Variants in KCTD3 observed in about 807,000 individuals in gnomAD.
The protein encoded by KCTD3 is BTB/POZ domain-containing protein KCTD3.
Under a neutral mutation model 85.8 loss-of-function variants are expected in KCTD3, and 41 were observed. That is an observed-to-expected ratio of 0.48 (90% CI 0.37 to 0.62). The LOEUF is 0.62. KCTD3 is among the 20% of genes least tolerant of loss of function. The pLI is 0.00. For missense variants in KCTD3, 724 were observed against 989.9 expected (o/e 0.73, Z 3.60); for synonymous variants, 338 against 345.4 (o/e 0.98, Z 0.24).
intron 9 of KCTD3, among the ~76,000 whole-genome samples, chr1:215,592,155 TG>T (rs1208622582): frequency 6.6e-6 from 1 of 152,202 alleles, no homozygotes; most frequent in Non-Finnish European, 1.5e-5. Flanking sequence ...TCACAACACC[TG>T]GGAACTACAG....
chr1:215,604,635 A>G (rs1317733149), intron 13 of KCTD3, among the ~76,000 whole-genome samples: 1 of 150,996 alleles, frequency 6.6e-6, no homozygotes, highest in African/African-American at 2.4e-5. Context: ...TGGTTTTAAT[A>G]TACTTAAATT....
At chr1:215,617,927 T>A (rs1327727405) in intron 15 of KCTD3, among the ~76,000 whole-genome samples, 4 of 150,858 alleles carry the variant, frequency 2.7e-5, no homozygotes, top group Non-Finnish European at 4.4e-5. Flanking sequence ...CTGCCTCTAG[T>A]CAGATTTTCT....
Position 215,618,916 on chromosome 1 carries a change from T to C in KCTD3, c.1593T>C (p.Thr531=). Residue 531 remains threonine, a synonymous_variant, in exon 16 of 18, where the codon ACT becomes ACC. Coordinates refer to ENST00000259154, the MANE Select transcript of KCTD3 (RefSeq NM_016121.5). ...GTGAGATCCAGGCTGTTGACTGTAC[T>C]ACAATATCCTCATTTACAGTGAGGG... The part of the protein sequence containing the change: ...RICEIQAVDC[T]TISSFTVREC... 1 of 1,612,050 alleles carries C rather than the reference T, an allele frequency of 6.2e-7. No homozygotes were observed. Among genetic ancestry groups the C allele is most frequent in the African/African-American group, 1.3e-5 (1 of 74,954 alleles).
At chr1:215,573,435 T>G (rs1659442138) in intron 1 of KCTD3, among the ~76,000 whole-genome samples, 1 of 152,016 alleles carries the variant, frequency 6.6e-6, no homozygotes, top group Admixed American at 6.5e-5. Context: ...ACTGGAGAGA[T>G]GAGATGGAAC....
rs561079956 is a variant in KCTD3 at position 215,619,710 on chromosome 1, C to T, written c.1887-347C>T. Among the ~76,000 whole-genome samples the T allele has an allele frequency of 2.0e-5, 3 of 152,166 alleles. No homozygotes were observed. In the South Asian group the frequency reaches 6.2e-4, roughly 32 times the overall value. The stretch of plus-strand genomic sequence containing the variant: ...ATTTTAATACAAAGTTCCATAATGT[C>T]TTTTTAGTTATCATATTGATAAATT... On this transcript the variant is annotated intron_variant, in intron 17 of 17. Transcript: ENST00000259154.
chr1:215,570,133 G>T (rs1039298131), intron 1 of KCTD3, among the ~76,000 whole-genome samples: 2 of 152,110 alleles, frequency 1.3e-5, no homozygotes, highest in East Asian at 3.9e-4. Context: ...TGAAGTTCAG[G>T]AACTGCTGTG....
intron 15 of KCTD3, among the ~76,000 whole-genome samples, chr1:215,617,067 T>C (rs553407003): frequency 2.8e-4 from 43 of 152,248 alleles, no homozygotes; most frequent in African/African-American, 8.4e-4. Flanking sequence ...ATAATAATAA[T>C]AAACTGAGTT....
intron 10 of KCTD3, 95 bp downstream of exon 10, chr1:215,595,566 G>A: frequency 1.3e-6 from 1 of 758,240 alleles, no homozygotes; most frequent in Non-Finnish European, 2.2e-6. Flanking sequence ...ACTGTTTCTG[G>A]TTTTGGTTAT....
intron 15 of KCTD3, 129 bp downstream of exon 15, chr1:215,612,050 C>G: frequency 1.6e-6 from 1 of 621,956 alleles, no homozygotes; most frequent in Non-Finnish European, 2.9e-6. Flanking sequence ...AGTCTGTTAT[C>G]TCATAATCAT....
At position 215,601,872 on chromosome 1, in the gene KCTD3, A is replaced by G; in HGVS notation, c.939A>G (p.Gln313=). ...WNAVTQHWQV[Q]DVVPITSYDT... ...TAATACTCTCACTACATCAGGTTCA[A>G]GATGTTGTTCCTATAACTAGTTATG... is the stretch of plus-strand genomic sequence containing the variant. Residue 313 remains glutamine (Q), a synonymous_variant, in exon 11 of 18, where the codon CAA becomes CAG. Transcript: ENST00000259154. 3 of 1,553,520 alleles carry G rather than the reference A, an allele frequency of 1.9e-6. No homozygotes were observed. Among genetic ancestry groups the G allele is most frequent in the Non-Finnish European group, 2.7e-6 (3 of 1,127,964 alleles).
At chr1:215,606,170 G>A (rs974158106) in intron 13 of KCTD3, among the ~76,000 whole-genome samples, 1 of 152,014 alleles carries the variant, frequency 6.6e-6, no homozygotes, top group Non-Finnish European at 1.5e-5. Flanking sequence ...GAACTTTTGT[G>A]TTTGTTCTTT....
At chr1:215,620,028 A>C (rs756953535) in intron 17 of KCTD3, 29 bp from the exon 18 acceptor site, 1 of 1,517,332 alleles carries the variant, frequency 6.6e-7, no homozygotes. Flanking sequence ...GTGAAATCTG[A>C]ACTGTCATTT....
rs183396858 is a variant in KCTD3 at position 215,571,504 on chromosome 1, C to G, written c.84-2282C>G. Among the ~76,000 whole-genome samples the G allele has an allele frequency of 1.5e-4, 23 of 152,262 alleles. 1 individual carries two copies. In the East Asian group the frequency reaches 3.7e-3, roughly 24 times the overall value. Reference sequence around the variant, plus strand: ...TATGTGTTCCCTAAAGTACCCCTTACTGTAGTTTACATTTAAATGTCTTTA... The same window carrying G: ...TATGTGTTCCCTAAAGTACCCCTTAGTGTAGTTTACATTTAAATGTCTTTA... On this transcript the variant is annotated intron_variant, in intron 1 of 17. Transcript: ENST00000259154.
intron 1 of KCTD3, among the ~76,000 whole-genome samples, chr1:215,569,684 C>T (rs1391248244): frequency 6.6e-6 from 1 of 151,488 alleles, no homozygotes; most frequent in Non-Finnish European, 1.5e-5. Flanking sequence ...CAAGCTCCGC[C>T]TCCCAGGTTC....
chr1:215,579,643 C>A (rs568939368), intron 7 of KCTD3, among the ~76,000 whole-genome samples: 1 of 151,968 alleles, frequency 6.6e-6, no homozygotes, highest in Non-Finnish European at 1.5e-5. Context: ...GGACTACAGG[C>A]GGCCGCCACC....
intron 7 of KCTD3, 53 bp from the exon 8 acceptor site, chr1:215,579,856 T>TTTGCCAAC: frequency 7.5e-7 from 1 of 1,339,808 alleles, no homozygotes; most frequent in Non-Finnish European, 1.1e-6. Context: ...GTGGCTGTAA[T>TTTGCCAAC]TTGCCAACCC....
chr1:215,576,018 ATG>A (rs966910328), intron 4 of KCTD3, 44 bp downstream of exon 4: 1 of 968,394 alleles, frequency 1.0e-6, no homozygotes, highest in Non-Finnish European at 1.6e-6. Context: ...ACTGATAAAT[ATG>A]TGTTTTTAAT....
intron 5 of KCTD3, 51 bp from the exon 6 acceptor site, chr1:215,577,950 G>A (rs747536577): frequency 3.2e-6 from 5 of 1,584,266 alleles, no homozygotes; most frequent in Non-Finnish European, 4.3e-6. Context: ...ATGGAGTACT[G>A]TTTTTCTGTT....
chr1:215,582,048 C>T (rs772336622), intron 8 of KCTD3, among the ~76,000 whole-genome samples: 23 of 152,312 alleles, frequency 1.5e-4, no homozygotes, highest in Non-Finnish European at 3.1e-4. Context: ...CTTCTATTAA[C>T]GAAGAGTAGT....
Sources: gnomAD v4.1 joint callset for allele counts (sites outside exome capture counted in the v4.1 genomes callset) on GRCh38, gnomAD v4.1.1 for gene constraint, MANE v1.5 for transcripts, NCBI Gene and HGNC (gene_info 2026-07-23, HGNC 2026-07-21) for gene names.